The following ASB15 variants were observed in gnomAD, a reference collection of about 807,000 sequenced individuals.
ASB15 encodes the protein ankyrin repeat and SOCS box containing 15, also known as ankyrin repeat and SOCS box protein 15.
In ASB15, 54 loss-of-function variants were observed where a neutral mutation model predicts 58.0. The observed-to-expected ratio is 0.93, with a 90% confidence interval of 0.75 to 1.17. ASB15 has a LOEUF of 1.17. Among genes scored for constraint, ASB15 ranks in the 50% most tolerant of loss-of-function variants. The pLI is 0.00. For synonymous variants in ASB15, 249 were observed against 262.4 expected, an observed-to-expected ratio of 0.95 and a Z score of 0.50; for missense variants, 680 against 707.4, an observed-to-expected ratio of 0.96 and a Z score of 0.44.
At chr7:123,634,147 A>T (rs542403969) in intron 11 of ASB15, among the ~76,000 whole-genome samples, 77 of 152,142 alleles carry the variant, frequency 5.1e-4, no homozygotes, top group African/African-American at 1.7e-3. Context: ...CCCATCACCT[A>T]GGTATTAAGT....
rs1457409230 is a variant in ASB15, at chr7:123,637,580, T to A, written c.*599T>A. On this transcript the variant is annotated 3_prime_UTR_variant, in exon 12 of 12. Transcript: ENST00000451215. Reference sequence around the variant, plus strand: ...CTGTTCTCTTGGGTGTCCTCCCACCTCCCTGGACACTCTGTCTCTGGCTTC... The same window carrying A: ...CTGTTCTCTTGGGTGTCCTCCCACCACCCTGGACACTCTGTCTCTGGCTTC... 6.6e-6 allele frequency: 1 copy of A among 152,406 alleles called. No homozygotes were observed. The highest frequency in any genetic ancestry group is 2.4e-5 in the African/African-American group (1 of 41,438). 9.4% of individuals were successfully genotyped at this position (152,406 alleles called of 1,614,324 possible). A position where few individuals can be genotyped will look rare whatever the true frequency, so the allele number is the denominator to read the frequency against.
At chr7:123,582,722 G>A (rs577668742) in intron 1 of ASB15, among the ~76,000 whole-genome samples, 1 of 151,896 alleles carries the variant, frequency 6.6e-6, no homozygotes, top group South Asian at 2.1e-4. Flanking sequence ...GCATACTCTT[G>A]GTCCCCTCCT....
chr7:123,611,914 T>C (rs1800486657), intron 3 of ASB15, among the ~76,000 whole-genome samples: 1 of 151,634 alleles, frequency 6.6e-6, no homozygotes, highest in Non-Finnish European at 1.5e-5. Flanking sequence ...TTCACCCTAC[T>C]GTCATTAGAG....
At chr7:123,623,718 GC>G (rs1222464070) in intron 7 of ASB15, among the ~76,000 whole-genome samples, 2 of 151,824 alleles carry the variant, frequency 1.3e-5, no homozygotes, top group African/African-American at 4.8e-5. Flanking sequence ...ACAAAAATTA[GC>G]CAGACTTGGT....
intron 3 of ASB15, among the ~76,000 whole-genome samples, chr7:123,613,612 G>C (rs1356808261): frequency 6.6e-6 from 1 of 152,186 alleles, no homozygotes; most frequent in Admixed American, 6.5e-5. Context: ...TAATAGAACT[G>C]TGTAAGGGAG....
chr7:123,581,710 A>C (rs1160894405), intron 1 of ASB15, among the ~76,000 whole-genome samples: 1 of 151,934 alleles, frequency 6.6e-6, no homozygotes, highest in African/African-American at 2.4e-5. Context: ...AGGATTGTAA[A>C]ATTCTACTGG....
chr7:123,622,099 C>A (rs943839724), intron 7 of ASB15, among the ~76,000 whole-genome samples: 1 of 152,188 alleles, frequency 6.6e-6, no homozygotes, highest in African/African-American at 2.4e-5. Flanking sequence ...ATCAAGATAA[C>A]CCTTGCCTAT....
chr7:123,597,016 C>T (rs2191739), upstream of ASB15, among the ~76,000 whole-genome samples: 45,065 of 152,058 alleles, frequency 0.3, 6,823 homozygotes, highest in East Asian at 0.4. Context: ...GTCAGAATTA[C>T]AAGAGACTGG....
In ASB15 at chr7:123,614,595, A is replaced by G; in HGVS notation, c.93A>G (p.Ala31=). The G allele has an allele frequency of 6.2e-7, 1 of 1,602,030 alleles. No homozygotes were observed. The highest frequency in any genetic ancestry group is 8.5e-7 in the Non-Finnish European group (1 of 1,169,660). Residue 31 remains alanine (A), a synonymous_variant, in exon 4 of 12, where the codon GCA becomes GCG. Coordinates refer to ENST00000451215, the MANE Select transcript of ASB15 (RefSeq NM_001290258.2). The stretch of plus-strand genomic sequence containing the variant: ...AATCCATTGAAGCCAGCAAGACTGC[A>G]CTTTGTCCTGAAAGGTAGTATTCAA... ...IQESIEASKT[A]LCPERFVPLS... is the part of the protein sequence containing the mutation.
chr7:123,617,558 C>T, intron 6 of ASB15, 21 bp from the exon 7 acceptor site: 1 of 1,587,774 alleles, frequency 6.3e-7, no homozygotes, highest in African/African-American at 1.3e-5. Context: ...AACTTTTCAA[C>T]ATAATGCTTT....
In ASB15 at chr7:123,638,271, A is replaced by T. The variant is rs1802520681; in HGVS notation, c.*1290A>T. ...ATTGCTCTTAAATTCCAAAGTTCTT[A>T]CTTGAACTTTCATGATCTAACTCCT... On this transcript the variant is annotated 3_prime_UTR_variant, in exon 12 of 12. Coordinates refer to ENST00000451215, the MANE Select transcript of ASB15 (RefSeq NM_001290258.2). 1 of 152,096 alleles carries T rather than the reference A, an allele frequency of 6.6e-6. No homozygotes were observed. The highest frequency in any genetic ancestry group is 6.6e-5 in the Admixed American group (1 of 15,266). 9.4% of individuals were successfully genotyped at this position (152,096 alleles called of 1,614,324 possible).
chr7:123,577,189 A>G (rs1799090378), intron 1 of ASB15, among the ~76,000 whole-genome samples: 1 of 152,174 alleles, frequency 6.6e-6, no homozygotes, highest in Non-Finnish European at 1.5e-5. Flanking sequence ...AAGGTTTACT[A>G]TATCATTGAT....
chr7:123,632,372 TATAAA>T (rs1486913281), intron 11 of ASB15, among the ~76,000 whole-genome samples: 3 of 151,992 alleles, frequency 2.0e-5, no homozygotes, highest in African/African-American at 7.2e-5. Flanking sequence ...CATTGAGAGA[TATAAA>T]AGAGGATATG....
At position 123,628,018 on chromosome 7, in the gene ASB15, T is replaced by A. The variant is rs142178804; in HGVS notation, c.869+737T>A. 3.6e-3 allele frequency among the ~76,000 whole-genome samples: 544 copies of A among 152,326 alleles called. 3 individuals are homozygous for A. Among genetic ancestry groups the A allele is most frequent in the African/African-American group, 0.013 (530 of 41,580 alleles). On this transcript the variant is annotated intron_variant, in intron 9 of 11. Coordinates refer to ENST00000451215, the MANE Select transcript of ASB15 (RefSeq NM_001290258.2). ...GTTTACCTGGATTTACTCCCAGTGT[T>A]CATAAATTCACAACAGTAGACACAA...
intron 7 of ASB15, among the ~76,000 whole-genome samples, chr7:123,618,415 G>A (rs1800969747): frequency 2.0e-5 from 3 of 152,178 alleles, no homozygotes; most frequent in African/African-American, 4.8e-5. Flanking sequence ...GTGTTGGCAC[G>A]TGAGATCACT....
At chr7:123,584,412 T>G (rs952185954) in intron 1 of ASB15, among the ~76,000 whole-genome samples, 9 of 151,916 alleles carry the variant, frequency 5.9e-5, no homozygotes, top group Admixed American at 3.3e-4. Flanking sequence ...ATCAGTGTTT[T>G]CTAAAGCTCC....
chr7:123,605,465 C>T (rs1013785088), intron 2 of ASB15, among the ~76,000 whole-genome samples: 7 of 152,130 alleles, frequency 4.6e-5, no homozygotes, highest in Admixed American at 4.6e-4. Flanking sequence ...AGCAGAATTA[C>T]CATTCAATCC....
At chr7:123,578,473 G>T (rs1232991320) in intron 1 of ASB15, among the ~76,000 whole-genome samples, 2 of 151,804 alleles carry the variant, frequency 1.3e-5, no homozygotes, top group Non-Finnish European at 2.9e-5. Context: ...CTGGAACTTT[G>T]TTTCCTCTAT....
intron 7 of ASB15, 87 bp downstream of exon 7, chr7:123,617,824 T>C: frequency 2.3e-6 from 3 of 1,304,848 alleles, no homozygotes; most frequent in Non-Finnish European, 3.2e-6. Context: ...GCTAAAATTG[T>C]GATCTCAGTT....
Sources: gnomAD v4.1 joint callset for allele counts (sites outside exome capture counted in the v4.1 genomes callset) on GRCh38, gnomAD v4.1.1 for gene constraint, MANE v1.5 for transcripts, NCBI Gene and HGNC (gene_info 2026-07-23, HGNC 2026-07-21) for gene names.